Variants in CLNK observed in about 807,000 individuals in gnomAD.
The protein encoded by CLNK is cytokine-dependent hematopoietic cell linker.
A neutral mutation model predicts 68.6 loss-of-function variants in CLNK; 74 were observed. The ratio of observed to expected loss-of-function variants is 1.08; its 90% CI spans 0.89 to 1.31. The LOEUF (loss-of-function observed/expected upper bound fraction) is 1.31. CLNK is among the 50% of genes most tolerant of loss of function. The pLI is 0.00. For synonymous variants in CLNK, 198 were observed against 172.2 expected (o/e 1.15, Z -1.17); for missense variants, 553 against 515.3 (o/e 1.07, Z -0.71).
intron 7 of CLNK, among the ~76,000 whole-genome samples, chr4:10,560,776 C>T (rs754414277): frequency 3.9e-5 from 6 of 152,188 alleles, no homozygotes; most frequent in Non-Finnish European, 8.8e-5. Flanking sequence ...TTAATCTCAA[C>T]ATAAATGTGC....
chr4:10,689,036 G>T (rs1400111620), upstream of CLNK, among the ~76,000 whole-genome samples: 1 of 151,584 alleles, frequency 6.6e-6, no homozygotes, highest in Middle Eastern at 3.2e-3. Context: ...TAAAATTGAG[G>T]CAACGTGCTG....
chr4:10,593,280 G>C (rs903895166), intron 3 of CLNK, among the ~76,000 whole-genome samples: 3 of 152,022 alleles, frequency 2.0e-5, no homozygotes, highest in Non-Finnish European at 2.9e-5. Context: ...TCAGGAGAGC[G>C]GGCAGCGGTT....
intron 1 of CLNK, among the ~76,000 whole-genome samples, chr4:10,677,944 A>G (rs534232087): frequency 9.2e-5 from 14 of 152,294 alleles, no homozygotes; most frequent in African/African-American, 3.1e-4. Flanking sequence ...CAAATGACCT[A>G]GATTTTTCAG....
chr4:10,579,699 C>T (rs905657930), intron 4 of CLNK, among the ~76,000 whole-genome samples: 4 of 152,214 alleles, frequency 2.6e-5, no homozygotes, highest in African/African-American at 9.7e-5. Flanking sequence ...GAAATGCCAG[C>T]CATTAGAAAC....
At position 10,532,994 on chromosome 4, in the gene CLNK, A is replaced by T. The variant is rs1718609352; in HGVS notation, c.603-711T>A. On this transcript the variant is annotated intron_variant, in intron 11 of 18. Transcript: ENST00000226951. Reference sequence around the variant, plus strand: ...AAGTTGGGGCCTGGTGCAGTGGCTCATGCCTGTGATCCCAGCACTTTGGGA... The same window carrying T: ...AAGTTGGGGCCTGGTGCAGTGGCTCTTGCCTGTGATCCCAGCACTTTGGGA... Among the ~76,000 whole-genome samples the T allele has an allele frequency of 2.0e-5, 3 of 152,248 alleles. No homozygotes were observed. In the South Asian group the frequency reaches 6.2e-4, roughly 31 times the overall value.
intron 2 of CLNK, among the ~76,000 whole-genome samples, chr4:10,637,923 T>C (rs1030888130): frequency 5.1e-4 from 77 of 151,674 alleles, no homozygotes; most frequent in Non-Finnish European, 7.4e-4. Context: ...TCCTCTTTTA[T>C]TGCCTACTCT....
At chr4:10,621,646 A>G (rs1722463877) in intron 2 of CLNK, among the ~76,000 whole-genome samples, 1 of 152,186 alleles carries the variant, frequency 6.6e-6, no homozygotes, top group African/African-American at 2.4e-5. Context: ...GTTGTTATTT[A>G]TTATTCTGTC....
chr4:10,709,883 G>C, the CLNK span, among the ~76,000 whole-genome samples: 1 of 152,006 alleles, frequency 6.6e-6, no homozygotes, highest in African/African-American at 2.4e-5. Flanking sequence ...ACCCCATCAT[G>C]GGCCAACACC....
intron 7 of CLNK, among the ~76,000 whole-genome samples, chr4:10,561,719 T>TG (rs1422586818): frequency 6.6e-6 from 1 of 152,168 alleles, no homozygotes; most frequent in Non-Finnish European, 1.5e-5. Context: ...AGACAGCCCC[T>TG]GGGGGACTAC....
At chr4:10,603,373 T>C (rs1721662886) in intron 2 of CLNK, among the ~76,000 whole-genome samples, 1 of 152,220 alleles carries the variant, frequency 6.6e-6, no homozygotes, top group South Asian at 2.1e-4. Flanking sequence ...TAACTGGTCA[T>C]TGTTTGTATT....
chr4:10,574,513 A>G (rs1378267768), intron 4 of CLNK, among the ~76,000 whole-genome samples: 2 of 152,066 alleles, frequency 1.3e-5, no homozygotes, highest in Non-Finnish European at 2.9e-5. Context: ...TGCCTTCCGC[A>G]AGAACATTTC....
At chr4:10,672,737 G>C (rs1724700053) in intron 1 of CLNK, among the ~76,000 whole-genome samples, 1 of 152,188 alleles carries the variant, frequency 6.6e-6, no homozygotes, top group South Asian at 2.1e-4. Context: ...TATGGACATT[G>C]TCTAAATGTC....
At chr4:10,513,706 C>T in intron 15 of CLNK, 109 bp from the exon 16 acceptor site, 2 of 1,078,834 alleles carry the variant, frequency 1.9e-6, no homozygotes, top group Non-Finnish European at 1.3e-6. Context: ...TCTGTGAGGA[C>T]CTTCTTGGTC....
intron 1 of CLNK, among the ~76,000 whole-genome samples, chr4:10,684,087 C>T (rs1219575922): frequency 2.6e-5 from 4 of 152,118 alleles, no homozygotes; most frequent in Non-Finnish European, 5.9e-5. Flanking sequence ...GAGATGACTC[C>T]CGGCACTTTT....
intron 3 of CLNK, among the ~76,000 whole-genome samples, chr4:10,592,385 T>C (rs1050361030): frequency 3.3e-5 from 5 of 152,170 alleles, no homozygotes; most frequent in African/African-American, 1.2e-4. Flanking sequence ...CAGACATGTT[T>C]TAGCTCAGAC....
At chr4:10,658,567 G>A (rs1031402285) in intron 2 of CLNK, among the ~76,000 whole-genome samples, 1 of 152,200 alleles carries the variant, frequency 6.6e-6, no homozygotes, top group Non-Finnish European at 1.5e-5. Flanking sequence ...TGGTTCTCAA[G>A]GCGGGTGCCT....
At chr4:10,618,272 A>G (rs9994291) in intron 2 of CLNK, among the ~76,000 whole-genome samples, 1,966 of 152,340 alleles carry the variant, frequency 0.013, 53 homozygotes, top group African/African-American at 0.045. Context: ...CAGACACAAG[A>G]AAATACCTAT....
intron 18 of CLNK, among the ~76,000 whole-genome samples, chr4:10,497,966 T>TCACCTGAGGC (rs1560188519): frequency 6.6e-6 from 1 of 152,222 alleles, no homozygotes; most frequent in Non-Finnish European, 1.5e-5. Context: ...GAGGCCAAGG[T>TCACCTGAGGC]GGGCAGATCA....
chr4:10,732,932 C>T, the CLNK span, among the ~76,000 whole-genome samples: 9 of 152,112 alleles, frequency 5.9e-5, no homozygotes, highest in South Asian at 2.1e-4. Context: ...TCCCTTTTGG[C>T]GGGAGTGAAT....
Sources: allele counts gnomAD v4.1 joint callset (sites outside exome capture counted in the v4.1 genomes callset), GRCh38; gene constraint gnomAD v4.1.1; transcripts MANE v1.5; gene names NCBI Gene and HGNC (gene_info 2026-07-23, HGNC 2026-07-21).